NAALADL2: variants seen among roughly 807,000 people sequenced by gnomAD.
The protein encoded by NAALADL2 is inactive N-acetylated-alpha-linked acidic dipeptidase-like protein 2.
Under a neutral mutation model 87.2 loss-of-function variants are expected in NAALADL2, and 76 were observed. The observed-to-expected ratio is 0.87, with a 90% CI of 0.72 to 1.05. The LOEUF (loss-of-function observed/expected upper bound fraction) is 1.05, where lower values mean the gene tolerates loss of function less well. Among genes scored for constraint, NAALADL2 ranks in the 50% least tolerant of loss-of-function variants. The probability of loss-of-function intolerance (pLI) is 0.00; values close to 1 mark genes in which losing one functional copy is unlikely to be tolerated. For synonymous variants in NAALADL2, 354 were observed against 331.0 expected (o/e 1.07, Z -0.75); for missense variants, 1,089 against 945.8 (o/e 1.15, Z -1.99).
At chr3:174,969,697 C>G (rs1024578088) in intron 1 of NAALADL2, among the ~76,000 whole-genome samples, 1 of 152,140 alleles carries the variant, frequency 6.6e-6, no homozygotes, top group East Asian at 1.9e-4. Flanking sequence ...CATTAAAAGT[C>G]TGTGATGGAG....
At chr3:175,142,306 A>T (rs982754043) in intron 2 of NAALADL2, among the ~76,000 whole-genome samples, 1 of 152,060 alleles carries the variant, frequency 6.6e-6, no homozygotes, top group African/African-American at 2.4e-5. Context: ...GTTTATAATT[A>T]TGTGGAACCT....
At chr3:175,366,593 A>G (rs1051187879) in intron 5 of NAALADL2, among the ~76,000 whole-genome samples, 1 of 151,688 alleles carries the variant, frequency 6.6e-6, no homozygotes, top group Non-Finnish European at 1.5e-5. Flanking sequence ...TTTGATTTGC[A>G]TTTCTCTGAT....
chr3:174,688,007 C>G (rs1728203013), intron 2 of NAALADL2, among the ~76,000 whole-genome samples: 5 of 152,072 alleles, frequency 3.3e-5, no homozygotes, highest in Admixed American at 3.3e-4. Context: ...TATAAATTAC[C>G]CAGTCTTAGG....
At chr3:175,253,812 A>T (rs1560237111) in intron 3 of NAALADL2, among the ~76,000 whole-genome samples, 1 of 152,136 alleles carries the variant, frequency 6.6e-6, no homozygotes, top group Non-Finnish European at 1.5e-5. Context: ...TAAGGAGGTA[A>T]CTGCAGAGGT....
intron 13 of NAALADL2, among the ~76,000 whole-genome samples, chr3:175,781,027 T>C (rs893635063): frequency 2.0e-5 from 3 of 152,188 alleles, no homozygotes; most frequent in African/African-American, 7.2e-5. Context: ...TTCTGATGAG[T>C]AATATTTTTA....
chr3:175,622,736 C>A (rs1244516762), intron 10 of NAALADL2, among the ~76,000 whole-genome samples: 1 of 152,066 alleles, frequency 6.6e-6, no homozygotes, highest in Non-Finnish European at 1.5e-5. Context: ...TCATGTTCCC[C>A]ATAAATATGG....
At chr3:174,539,577 T>A (rs1287662027) in intron 1 of NAALADL2, among the ~76,000 whole-genome samples, 1 of 152,172 alleles carries the variant, frequency 6.6e-6, no homozygotes, top group Non-Finnish European at 1.5e-5. Flanking sequence ...TGCTATCTTA[T>A]GGTCACCTTA....
intron 2 of NAALADL2, among the ~76,000 whole-genome samples, chr3:175,160,123 G>A (rs1364200769): frequency 6.6e-6 from 1 of 151,266 alleles, no homozygotes; most frequent in Admixed American, 6.6e-5. Context: ...ACAATTGTGA[G>A]TCACTTTGTC....
intron 4 of NAALADL2, among the ~76,000 whole-genome samples, chr3:175,286,368 A>G (rs909606669): frequency 1.3e-5 from 2 of 152,178 alleles, no homozygotes; most frequent in African/African-American, 4.8e-5. Context: ...ATGGGCAGAA[A>G]GCTGTAACTT....
chr3:175,173,752 G>C (rs895377737), intron 2 of NAALADL2, among the ~76,000 whole-genome samples: 1 of 152,166 alleles, frequency 6.6e-6, no homozygotes, highest in Admixed American at 6.6e-5. Flanking sequence ...TTGCAAGCAC[G>C]TTTATTAGTG....
chr3:175,124,991 G>C (rs1347072703), intron 2 of NAALADL2, among the ~76,000 whole-genome samples: 1 of 151,778 alleles, frequency 6.6e-6, no homozygotes, highest in Non-Finnish European at 1.5e-5. Flanking sequence ...GGTGAAATGA[G>C]TCAGAAAAAT....
intron 9 of NAALADL2, among the ~76,000 whole-genome samples, chr3:175,575,348 A>T (rs979136671): frequency 6.6e-6 from 1 of 151,812 alleles, no homozygotes; most frequent in African/African-American, 2.4e-5. Flanking sequence ...GCAATGGTAC[A>T]CTCTCGGCTC....
At chr3:175,130,308 G>A (rs1264931805) in intron 2 of NAALADL2, among the ~76,000 whole-genome samples, 1 of 151,948 alleles carries the variant, frequency 6.6e-6, no homozygotes, top group African/African-American at 2.4e-5. Context: ...TTTTCATTTT[G>A]TTGATTATTT....
At chr3:174,963,849 A>T (rs1412815409) in intron 1 of NAALADL2, among the ~76,000 whole-genome samples, 3 of 152,144 alleles carry the variant, frequency 2.0e-5, no homozygotes, top group Non-Finnish European at 4.4e-5. Flanking sequence ...CTTAACAATG[A>T]CAGGAAAATA....
intron 13 of NAALADL2, among the ~76,000 whole-genome samples, chr3:175,795,867 C>T (rs1576857412): frequency 6.6e-6 from 1 of 151,686 alleles, no homozygotes. Context: ...CTTTACTTAG[C>T]TGGGTGGTTC....
intron 1 of NAALADL2, among the ~76,000 whole-genome samples, chr3:174,990,339 C>G (rs896325096): frequency 4.6e-5 from 7 of 152,110 alleles, no homozygotes; most frequent in African/African-American, 1.2e-4. Flanking sequence ...TTTTATCAGT[C>G]TCTTACACAG....
At chr3:174,640,995 C>T (rs962095939) in intron 2 of NAALADL2, among the ~76,000 whole-genome samples, 1 of 152,226 alleles carries the variant, frequency 6.6e-6, no homozygotes, top group Non-Finnish European at 1.5e-5. Flanking sequence ...GGGCTGCACC[C>T]TCCCCTCCAG....
chr3:174,494,255 T>C (rs1213800060), intron 1 of NAALADL2, among the ~76,000 whole-genome samples: 1 of 152,080 alleles, frequency 6.6e-6, no homozygotes, highest in East Asian at 1.9e-4. Context: ...TTGAATGCAG[T>C]AGGAAGTCAC....
chr3:174,839,351 G>T (rs1408954909), intron 3 of NAALADL2, among the ~76,000 whole-genome samples: 2 of 152,112 alleles, frequency 1.3e-5, no homozygotes, highest in African/African-American at 4.8e-5. Context: ...ACTCAAGATG[G>T]ATCAAGGACT....
Sources: gnomAD v4.1 joint callset for allele counts (sites outside exome capture counted in the v4.1 genomes callset) on GRCh38, gnomAD v4.1.1 for gene constraint, MANE v1.5 for transcripts, NCBI Gene and HGNC (gene_info 2026-07-23, HGNC 2026-07-21) for gene names.